DGLUCY: variants seen among roughly 807,000 people sequenced by gnomAD.
DGLUCY encodes the protein D-glutamate cyclase, mitochondrial.
A neutral mutation model predicts 58.5 loss-of-function variants in DGLUCY; 58 were observed. The ratio of observed to expected loss-of-function variants is 0.99; its 90% CI spans 0.80 to 1.23. The LOEUF (loss-of-function observed/expected upper bound fraction) is 1.23. Among genes scored for constraint, DGLUCY ranks in the 50% most tolerant of loss-of-function variants. DGLUCY has a pLI of 0.00. For missense variants in DGLUCY, 779 were observed against 784.7 expected (o/e 0.99, Z 0.09); for synonymous variants, 325 against 314.1 (o/e 1.03, Z -0.37).
chr14:91,121,431 G>T (rs112850041), intron 1 of DGLUCY, among the ~76,000 whole-genome samples: 1 of 151,994 alleles, frequency 6.6e-6, no homozygotes, highest in South Asian at 2.1e-4. Flanking sequence ...GCTCACGCCT[G>T]TAATCTCAGC....
chr14:91,065,425 G>A (rs1271676911), intron 1 of DGLUCY, among the ~76,000 whole-genome samples: 2 of 152,144 alleles, frequency 1.3e-5, no homozygotes, highest in African/African-American at 4.8e-5. Flanking sequence ...AGAATAGGAT[G>A]GAGTCCAAGG....
chr14:91,218,247 A>T (rs1185832741), intron 13 of DGLUCY, among the ~76,000 whole-genome samples: 1 of 152,178 alleles, frequency 6.6e-6, no homozygotes, highest in Non-Finnish European at 1.5e-5. Flanking sequence ...GCTGCTTCAC[A>T]CATGATTCCT....
At chr14:91,182,498 A>G (rs1452313774) in intron 8 of DGLUCY, among the ~76,000 whole-genome samples, 4 of 151,756 alleles carry the variant, frequency 2.6e-5, no homozygotes, top group East Asian at 1.9e-4. Context: ...GTGTCTCACT[A>G]TGTTGCCCAG....
At chr14:91,216,399 TG>T (rs2140740549) in intron 13 of DGLUCY, 1 of 152,720 alleles carries the variant, frequency 6.5e-6, no homozygotes, top group East Asian at 1.9e-4. Flanking sequence ...CTCAGCACTT[TG>T]GGAGGCCAAG....
intron 1 of DGLUCY, among the ~76,000 whole-genome samples, chr14:91,094,182 A>C (rs2044356329): frequency 6.6e-6 from 1 of 152,184 alleles, no homozygotes. Flanking sequence ...CACGCCTATA[A>C]TCCCAGCACT....
At chr14:91,191,482 C>T (rs910293354) in intron 9 of DGLUCY, among the ~76,000 whole-genome samples, 2 of 152,166 alleles carry the variant, frequency 1.3e-5, no homozygotes, top group East Asian at 3.8e-4. Flanking sequence ...AGTTCCCTGT[C>T]TTTTGGAGAC....
intron 1 of DGLUCY, among the ~76,000 whole-genome samples, chr14:91,156,711 G>A (rs2047639978): frequency 6.6e-6 from 1 of 152,182 alleles, no homozygotes; most frequent in Admixed American, 6.5e-5. Context: ...AAAAGAGAGA[G>A]CTCAGAGCAG....
At chr14:91,094,291 C>T (rs550928322) in intron 1 of DGLUCY, among the ~76,000 whole-genome samples, 6 of 151,512 alleles carry the variant, frequency 4.0e-5, no homozygotes, top group African/African-American at 1.5e-4. Context: ...AAAAATTAGC[C>T]GGGTGCGGTG....
chr14:91,164,736 A>G (rs954067530), intron 3 of DGLUCY, among the ~76,000 whole-genome samples: 4 of 152,130 alleles, frequency 2.6e-5, no homozygotes, highest in African/African-American at 2.4e-5. Flanking sequence ...TGGGGGTGGA[A>G]TGACACAATC....
At chr14:91,190,849 G>A (rs1377054154) in intron 9 of DGLUCY, among the ~76,000 whole-genome samples, 2 of 152,174 alleles carry the variant, frequency 1.3e-5, no homozygotes, top group Non-Finnish European at 2.9e-5. Context: ...GGACAGCCAT[G>A]TTCTGTGTGG....
chr14:91,187,795 G>C (rs997504714), intron 8 of DGLUCY, among the ~76,000 whole-genome samples: 1 of 152,174 alleles, frequency 6.6e-6, no homozygotes, highest in African/African-American at 2.4e-5. Context: ...ATCTCAAGCT[G>C]TGCTGAGCCC....
At chr14:91,092,276 C>T (rs2044324058) in intron 1 of DGLUCY, among the ~76,000 whole-genome samples, 1 of 152,182 alleles carries the variant, frequency 6.6e-6, no homozygotes, top group Non-Finnish European at 1.5e-5. Context: ...CTATCTTCTG[C>T]ATATTCATAT....
chr14:91,215,345 C>T (rs1886353105), intron 12 of DGLUCY, 60 bp from the exon 13 acceptor site: 18 of 1,549,174 alleles, frequency 1.2e-5, no homozygotes, highest in Non-Finnish European at 1.6e-5. Flanking sequence ...TTCCTAGAGG[C>T]AGGCTGACAG....
chr14:91,187,389 C>T (rs2049589272), intron 8 of DGLUCY, among the ~76,000 whole-genome samples: 1 of 152,220 alleles, frequency 6.6e-6, no homozygotes, highest in African/African-American at 2.4e-5. Context: ...CAGCCACCGC[C>T]AGAGTAGAAG....
intron 1 of DGLUCY, among the ~76,000 whole-genome samples, chr14:91,141,992 C>T (rs1177613673): frequency 3.3e-5 from 5 of 151,954 alleles, no homozygotes; most frequent in South Asian, 2.1e-4. Flanking sequence ...ACTAGAGGTA[C>T]GTAGCATCAC....
intron 12 of DGLUCY, among the ~76,000 whole-genome samples, chr14:91,214,853 A>G (rs1345641885): frequency 6.6e-6 from 1 of 152,132 alleles, no homozygotes; most frequent in Non-Finnish European, 1.5e-5. Context: ...ACTAAAAAAA[A>G]TTAAAAATAA....
rs1595599850 is a variant in DGLUCY at position 91,065,890 on chromosome 14, G to T, written c.-82+5186G>T. Reference sequence around the variant, plus strand: ...AACTGGGGTGAGATAATGGACTATGGCCTGGAGGATGCAGCAGCTGGAAGT... The same window carrying T: ...AACTGGGGTGAGATAATGGACTATGTCCTGGAGGATGCAGCAGCTGGAAGT... On this transcript the variant is annotated intron_variant, in intron 1 of 4. Transcript: ENST00000521334. 2.6e-5 allele frequency among the ~76,000 whole-genome samples: 4 copies of T among 152,248 alleles called. No individual in the cohort carries two copies. In the East Asian group the frequency reaches 7.7e-4, roughly 29 times the overall value.
intron 13 of DGLUCY, chr14:91,220,441 A>T (rs1239124100): frequency 2.2e-6 from 1 of 453,168 alleles, no homozygotes; most frequent in African/African-American, 2.0e-5. Context: ...CTTTACTTTC[A>T]GTCAGGCTGG....
intron 1 of DGLUCY, among the ~76,000 whole-genome samples, chr14:91,138,084 C>T (rs1566960497): frequency 6.6e-6 from 1 of 152,170 alleles, no homozygotes; most frequent in Non-Finnish European, 1.5e-5. Flanking sequence ...TTGGTCCTGC[C>T]TTTGTCTTCT....
Sources: gnomAD v4.1 joint callset for allele counts (sites outside exome capture counted in the v4.1 genomes callset) on GRCh38, gnomAD v4.1.1 for gene constraint, MANE v1.5 for transcripts, NCBI Gene and HGNC (gene_info 2026-07-23, HGNC 2026-07-21) for gene names.